Variants in CLDN10 observed in about 807,000 individuals in gnomAD.
The protein encoded by CLDN10 is claudin 10, also known as claudin-10.
CLDN10 carries 15 observed loss-of-function variants against 22.9 expected under a neutral mutation model. The observed-to-expected ratio is 0.65, with a 90% confidence interval of 0.44 to 1.01. CLDN10 has a LOEUF of 1.01. Among genes scored for constraint, CLDN10 ranks in the 50% least tolerant of loss-of-function variants. CLDN10 has a pLI of 0.00. For synonymous variants in CLDN10, 114 were observed against 111.4 expected (o/e 1.02, Z -0.15); for missense variants, 247 against 287.8 (o/e 0.86, Z 1.03).
chr13:95,494,598 T>TAAAAGTAATAGTAAATACTTTTATTA (rs2042908740), intron 1 of CLDN10, among the ~76,000 whole-genome samples: 4 of 152,248 alleles, frequency 2.6e-5, no homozygotes, highest in Admixed American at 6.5e-5. Flanking sequence ...TTCCGCTTAA[T>TAAAAGTAATAGTAAATACTTTTATTA]AAAAGAAAAA....
intron 1 of CLDN10, among the ~76,000 whole-genome samples, chr13:95,465,686 C>T (rs2042576511): frequency 6.6e-6 from 1 of 152,142 alleles, no homozygotes; most frequent in Non-Finnish European, 1.5e-5. Flanking sequence ...GTCATTCATG[C>T]TGGCATTGTT....
intron 3 of CLDN10, among the ~76,000 whole-genome samples, chr13:95,569,876 C>T (rs1335312376): frequency 6.6e-6 from 1 of 151,996 alleles, no homozygotes; most frequent in Non-Finnish European, 1.5e-5. Context: ...TCACGCCATT[C>T]TCCTGCCTCA....
chr13:95,494,285 C>T (rs115993198), intron 1 of CLDN10, among the ~76,000 whole-genome samples: 5 of 152,078 alleles, frequency 3.3e-5, no homozygotes, highest in Admixed American at 6.6e-5. Flanking sequence ...ATAGGTGGCA[C>T]GAATAATCAT....
chr13:95,444,863 C>T (rs546701944), intron 1 of CLDN10, among the ~76,000 whole-genome samples: 183 of 152,242 alleles, frequency 1.2e-3, no homozygotes, highest in Middle Eastern at 3.4e-3. Flanking sequence ...GGTGCTATCT[C>T]GGCTCACTAC....
intron 1 of CLDN10, among the ~76,000 whole-genome samples, chr13:95,492,567 G>A (rs1211787650): frequency 5.3e-5 from 8 of 152,146 alleles, no homozygotes; most frequent in Non-Finnish European, 8.8e-5. Context: ...AGATGGGCTT[G>A]AAAACTTGCC....
rs2042468245 is a variant in CLDN10, at chr13:95,454,980, A to G, written c.214+20933A>G. Among the ~76,000 whole-genome samples, 3 of 152,102 alleles carry G rather than the reference A, an allele frequency of 2.0e-5. No homozygotes were observed. In the South Asian group the frequency reaches 6.2e-4, roughly 31 times the overall value. ...GGGAGGAGGATCACTTGAGGCCACA[A>G]GTTGGAGACCAGCCTGGGCAACGTA... On this transcript the variant is annotated intron_variant, in intron 1 of 4. Coordinates refer to the CLDN10 transcript ENST00000376873.
chr13:95,438,981 A>T (rs1013153627), intron 1 of CLDN10, among the ~76,000 whole-genome samples: 9 of 110,882 alleles, frequency 8.1e-5, no homozygotes, highest in African/African-American at 2.5e-4. Context: ...ATCGCAAAAA[A>T]AAAAAAAAAA....
At chr13:95,537,649 G>A (rs2043414495) in intron 1 of CLDN10, among the ~76,000 whole-genome samples, 1 of 152,072 alleles carries the variant, frequency 6.6e-6, no homozygotes, top group African/African-American at 2.4e-5. Flanking sequence ...ATATAAATTA[G>A]GGTACCACTT....
At chr13:95,491,727 A>G (rs2042873760) in intron 1 of CLDN10, among the ~76,000 whole-genome samples, 1 of 151,764 alleles carries the variant, frequency 6.6e-6, no homozygotes, top group African/African-American at 2.4e-5. Flanking sequence ...TTTTTTGGGG[A>G]TACTGAACAG....
rs536719121 is a variant in CLDN10, at chr13:95,474,802, G to A, written c.214+40755G>A. Among the ~76,000 whole-genome samples, 42 of 152,242 alleles carry A rather than the reference G, an allele frequency of 2.8e-4. No individual in the cohort carries two copies. In the South Asian group the frequency reaches 4.2e-3, roughly 15 times the overall value. On this transcript the variant is annotated intron_variant, in intron 1 of 4. Coordinates refer to the CLDN10 transcript ENST00000376873. ...AGACCTGGTAAGATCTGCCTTTTGGGAAGCTCATTCCAGGGGGTAGGGTGG... is the reference window on the plus strand; with the variant it reads ...AGACCTGGTAAGATCTGCCTTTTGGAAAGCTCATTCCAGGGGGTAGGGTGG...
At chr13:95,554,191 A>C (rs2138645524) in intron 1 of CLDN10, among the ~76,000 whole-genome samples, 1 of 152,292 alleles carries the variant, frequency 6.6e-6, no homozygotes, top group East Asian at 1.9e-4. Flanking sequence ...CAGCCGGAAC[A>C]GTGTTTATTC....
chr13:95,453,943 T>C (rs546581240), intron 1 of CLDN10, among the ~76,000 whole-genome samples: 121 of 150,950 alleles, frequency 8.0e-4, no homozygotes, highest in African/African-American at 2.8e-3. Flanking sequence ...CTCATCAATC[T>C]CATTCCCCTA....
upstream of CLDN10, chr13:95,552,591 G>C: frequency 1.2e-6 from 1 of 821,450 alleles, no homozygotes; most frequent in Non-Finnish European, 1.7e-6. Flanking sequence ...GGGCATGGGT[G>C]TGAGGGGTCG....
chr13:95,440,235 G>C (rs2042311907), intron 1 of CLDN10, among the ~76,000 whole-genome samples: 1 of 152,164 alleles, frequency 6.6e-6, no homozygotes, highest in African/African-American at 2.4e-5. Context: ...TTAACAGATA[G>C]CTGCACCCTT....
At chr13:95,454,123 G>A (rs1401498092) in intron 1 of CLDN10, among the ~76,000 whole-genome samples, 2 of 150,720 alleles carry the variant, frequency 1.3e-5, no homozygotes, top group East Asian at 4.0e-4. Flanking sequence ...ACTGGGCCAG[G>A]GCTGCACTTC....
At chr13:95,454,506 C>G (rs1405869646) in intron 1 of CLDN10, among the ~76,000 whole-genome samples, 1 of 152,118 alleles carries the variant, frequency 6.6e-6, no homozygotes, top group Non-Finnish European at 1.5e-5. Flanking sequence ...GATGCTGAGA[C>G]AGAACCACTG....
At chr13:95,505,341 C>T (rs569318444) in intron 1 of CLDN10, among the ~76,000 whole-genome samples, 1 of 152,304 alleles carries the variant, frequency 6.6e-6, no homozygotes, top group African/African-American at 2.4e-5. Flanking sequence ...ATTGTTGCAG[C>T]CCCATTGTTT....
At chr13:95,507,604 T>C (rs2043051613) in intron 1 of CLDN10, among the ~76,000 whole-genome samples, 1 of 151,068 alleles carries the variant, frequency 6.6e-6, no homozygotes, top group Admixed American at 6.6e-5. Context: ...CTGGGCAACA[T>C]AGTGACACCT....
intron 1 of CLDN10, among the ~76,000 whole-genome samples, chr13:95,500,998 T>A (rs1055046665): frequency 3.3e-5 from 5 of 151,910 alleles, no homozygotes; most frequent in South Asian, 2.1e-4. Flanking sequence ...TTTAAAAAAA[T>A]TTTTTTTAAT....
Sources: gnomAD v4.1 joint callset for allele counts (sites outside exome capture counted in the v4.1 genomes callset) on GRCh38, gnomAD v4.1.1 for gene constraint, MANE v1.5 for transcripts, NCBI Gene and HGNC (gene_info 2026-07-23, HGNC 2026-07-21) for gene names.